Variants in SEL1L2 observed in about 807,000 individuals in gnomAD.
SEL1L2 encodes the protein protein sel-1 homolog 2.
Under a neutral mutation model 98.8 loss-of-function variants are expected in SEL1L2, and 89 were observed. That is an observed-to-expected ratio of 0.90 (90% CI 0.76 to 1.07). The LOEUF is 1.07. Among genes scored for constraint, SEL1L2 ranks in the 50% least tolerant of loss-of-function variants. The probability of loss-of-function intolerance (pLI) is 0.00; values close to 1 mark genes in which losing one functional copy is unlikely to be tolerated. For missense variants in SEL1L2, 788 were observed against 812.0 expected, an observed-to-expected ratio of 0.97 and a Z score of 0.36; for synonymous variants, 262 against 278.5, an observed-to-expected ratio of 0.94 and a Z score of 0.59.
At chr20:13,898,070 T>C (rs115540897) in intron 5 of SEL1L2, among the ~76,000 whole-genome samples, 2,098 of 152,294 alleles carry the variant, frequency 0.014, 47 homozygotes, top group African/African-American at 0.047. Flanking sequence ...GAAAACAGTA[T>C]GCAGTTTCCT....
At chr20:13,871,241 T>C (rs1194436704) in intron 12 of SEL1L2, among the ~76,000 whole-genome samples, 1 of 152,236 alleles carries the variant, frequency 6.6e-6, no homozygotes, top group African/African-American at 2.4e-5. Flanking sequence ...TTATTGCTTA[T>C]AACATCCCCG....
chr20:13,982,717 T>C (rs1236266335), intron 1 of SEL1L2, among the ~76,000 whole-genome samples: 1 of 151,376 alleles, frequency 6.6e-6, no homozygotes, highest in Non-Finnish European at 1.5e-5. Context: ...CTCAGTGATA[T>C]ATTTTACACT....
intron 1 of SEL1L2, among the ~76,000 whole-genome samples, chr20:13,976,310 TG>T (rs201511304): frequency 6.6e-6 from 1 of 151,956 alleles, no homozygotes; most frequent in African/African-American, 2.4e-5. Flanking sequence ...TGTTTTTTTT[TG>T]TTGTTGTTGT....
At chr20:13,887,474 G>A (rs552601147) in intron 8 of SEL1L2, among the ~76,000 whole-genome samples, 29 of 152,070 alleles carry the variant, frequency 1.9e-4, no homozygotes, top group African/African-American at 5.8e-4. Context: ...AATATTTATC[G>A]GTGCTACATT....
Position 13,920,227 on chromosome 20 carries a change from C to CAAA in SEL1L2, c.284-1107_284-1105dup, listed in dbSNP as rs4052973. ...TGGGTGACAGAGCGAGACTCCGTCC[C>CAAA]AAAAAAAAAAAAAAAAAAAAATTCT... On this transcript the variant is annotated intron_variant, in intron 3 of 19. Transcript: ENST00000284951. Among the ~76,000 whole-genome samples, 828 of 102,806 alleles carry CAAA rather than the reference C, an allele frequency of 8.1e-3. 1 individual carries two copies. Among genetic ancestry groups the CAAA allele is most frequent in the East Asian group, 0.01 (38 of 3,622 alleles). The allele number at this position is 102,806 out of a possible 152,430, so 67.4% of individuals were successfully genotyped here.
chr20:13,867,400 A>T (rs1991217119), intron 14 of SEL1L2, among the ~76,000 whole-genome samples: 1 of 152,218 alleles, frequency 6.6e-6, no homozygotes, highest in Admixed American at 6.5e-5. Flanking sequence ...TGGCTCTCTC[A>T]TTAGTTCTTT....
chr20:13,886,580 T>A, intron 8 of SEL1L2, 138 bp from the exon 9 acceptor site: 4 of 790,068 alleles, frequency 5.1e-6, no homozygotes, highest in Non-Finnish European at 7.7e-6. Context: ...AGAAGATCCA[T>A]GAAAAATAGA....
At chr20:13,919,648 G>A (rs1215496478) in intron 3 of SEL1L2, among the ~76,000 whole-genome samples, 1 of 152,202 alleles carries the variant, frequency 6.6e-6, no homozygotes, top group Admixed American at 6.5e-5. Context: ...GCTGGGCGCG[G>A]TGACTCACGC....
intron 5 of SEL1L2, among the ~76,000 whole-genome samples, chr20:13,903,492 T>C (rs923069914): frequency 1.9e-4 from 29 of 152,196 alleles, no homozygotes; most frequent in African/African-American, 6.5e-4. Context: ...GTGCCATTGG[T>C]AATATGCCTT....
At chr20:13,971,803 C>G (rs1215428029) in intron 1 of SEL1L2, among the ~76,000 whole-genome samples, 2 of 152,032 alleles carry the variant, frequency 1.3e-5, no homozygotes, top group African/African-American at 4.8e-5. Context: ...ACCATTTTGT[C>G]CTAAATAAAT....
rs1380668049 is a variant in SEL1L2 at position 13,931,600 on chromosome 20, T to C, written c.283+3A>G. The C allele has an allele frequency of 7.4e-7, 1 of 1,356,338 alleles. No homozygotes were observed. Among genetic ancestry groups the C allele is most frequent in the Admixed American group, 2.5e-5 (1 of 40,104 alleles). The allele number at this position is 1,356,338 out of a possible 1,614,324, so 84.0% of individuals were successfully genotyped here. ...TTTACATGTGAAAAGATATTCTACT[T>C]ACAATGATTCTTATTTCTCTTCAAG... is the stretch of plus-strand genomic sequence containing the variant. On this transcript the variant is annotated splice_donor_region_variant and intron_variant, in intron 3 of 19. Coordinates refer to ENST00000284951, the MANE Select transcript of SEL1L2 (RefSeq NM_025229.2).
intron 5 of SEL1L2, among the ~76,000 whole-genome samples, chr20:13,913,119 T>C (rs956433544): frequency 5.9e-5 from 9 of 152,212 alleles, no homozygotes; most frequent in African/African-American, 2.2e-4. Context: ...GGAAAGCTTT[T>C]AGAAAACTTT....
intron 3 of SEL1L2, 31 bp from the exon 4 acceptor site, chr20:13,919,154 A>G (rs1568968836): frequency 1.6e-6 from 2 of 1,262,498 alleles, no homozygotes; most frequent in South Asian, 1.3e-5. Context: ...AATAAAAACA[A>G]TATTACTTCT....
At chr20:13,913,606 C>T (rs542431821) in intron 5 of SEL1L2, 176 bp downstream of exon 5, 13 of 446,354 alleles carry the variant, frequency 2.9e-5, no homozygotes, top group East Asian at 7.1e-5. Context: ...GTTGGGGGTT[C>T]GGAGGCTTCT....
At chr20:13,944,842 G>A (rs2049939944) in intron 2 of SEL1L2, among the ~76,000 whole-genome samples, 1 of 152,218 alleles carries the variant, frequency 6.6e-6, no homozygotes. Context: ...AAGGTCATCA[G>A]CTGAGATGTG....
chr20:13,915,412 AC>A (rs2048361952), intron 4 of SEL1L2, among the ~76,000 whole-genome samples: 1 of 152,168 alleles, frequency 6.6e-6, no homozygotes, highest in African/African-American at 2.4e-5. Context: ...AATGTCTGGC[AC>A]CCAGAGAGAG....
intron 1 of SEL1L2, among the ~76,000 whole-genome samples, chr20:13,987,311 GTTTTTTTT>G (rs67919960): frequency 7.6e-6 from 1 of 132,208 alleles, no homozygotes; most frequent in South Asian, 2.5e-4. Flanking sequence ...TTAATTTACT[GTTTTTTTT>G]TTTTTTTTTT....
chr20:13,935,635 G>C (rs2049412751), intron 2 of SEL1L2, among the ~76,000 whole-genome samples: 1 of 152,166 alleles, frequency 6.6e-6, no homozygotes, highest in Non-Finnish European at 1.5e-5. Context: ...AGTGGGGTGG[G>C]GAGAGGGGGA....
intron 4 of SEL1L2, among the ~76,000 whole-genome samples, chr20:13,917,372 C>CCT (rs1353871205): frequency 6.6e-6 from 1 of 152,114 alleles, no homozygotes; most frequent in Non-Finnish European, 1.5e-5. Context: ...TGAACCACCC[C>CCT]CTCACTTCTT....
Sources: gnomAD v4.1 joint callset for allele counts (sites outside exome capture counted in the v4.1 genomes callset) on GRCh38, gnomAD v4.1.1 for gene constraint, MANE v1.5 for transcripts, NCBI Gene and HGNC (gene_info 2026-07-23, HGNC 2026-07-21) for gene names.